Variants in MAGI2 observed in about 807,000 individuals in gnomAD.
MAGI2 encodes the protein membrane-associated guanylate kinase, WW and PDZ domain-containing protein 2.
In MAGI2, 35 loss-of-function variants were observed where a neutral mutation model predicts 133.3. The ratio of observed to expected loss-of-function variants is 0.26; its 90% confidence interval spans 0.20 to 0.35. MAGI2 has a LOEUF of 0.35. Among genes scored for constraint, MAGI2 ranks in the 10% least tolerant of loss-of-function variants. The pLI is 1.00. For synonymous variants in MAGI2, 729 were observed against 710.6 expected (o/e 1.03, Z -0.41); for missense variants, 1,636 against 1,863.4 (o/e 0.88, Z 2.25).
chr7:78,493,469 A>G (rs1386828885), intron 5 of MAGI2, among the ~76,000 whole-genome samples: 3 of 152,158 alleles, frequency 2.0e-5, no homozygotes, highest in African/African-American at 7.2e-5. Flanking sequence ...ATTTAATGCT[A>G]ATGAGCCTTT....
intron 1 of MAGI2, chr7:79,125,373 C>T: frequency 2.1e-6 from 1 of 479,046 alleles, no homozygotes; most frequent in South Asian, 1.6e-5. Flanking sequence ...GTGGGAATGA[C>T]AACTTTGGTC....
intron 1 of MAGI2, among the ~76,000 whole-genome samples, chr7:79,115,344 A>C (rs1475751481): frequency 6.6e-6 from 1 of 152,230 alleles, no homozygotes; most frequent in Non-Finnish European, 1.5e-5. Flanking sequence ...TTTAAAACAG[A>C]AATTCAATAT....
chr7:78,138,676 C>CACACACAA (rs1554469078), intron 16 of MAGI2, among the ~76,000 whole-genome samples: 2 of 142,824 alleles, frequency 1.4e-5, no homozygotes, highest in Non-Finnish European at 3.1e-5. Flanking sequence ...CACACACACA[C>CACACACAA]AATTTGTATG....
chr7:78,959,607 T>C (rs77665147), intron 2 of MAGI2, among the ~76,000 whole-genome samples: 3,917 of 152,230 alleles, frequency 0.026, 164 homozygotes, highest in African/African-American at 0.089. Flanking sequence ...GACTGTCTGA[T>C]GTATAAATGT....
chr7:78,789,766 T>G (rs1229531408), intron 2 of MAGI2, among the ~76,000 whole-genome samples: 1 of 152,234 alleles, frequency 6.6e-6, no homozygotes, highest in Non-Finnish European at 1.5e-5. Flanking sequence ...GTCACCTTGT[T>G]GTGCTATCAC....
intron 2 of MAGI2, among the ~76,000 whole-genome samples, chr7:78,654,399 C>T (rs1175771438): frequency 6.6e-6 from 1 of 151,966 alleles, no homozygotes. Context: ...ACCTCCCAAC[C>T]TGAGTCTTGA....
At chr7:78,510,977 G>A (rs1000457787) in intron 4 of MAGI2, among the ~76,000 whole-genome samples, 2 of 152,148 alleles carry the variant, frequency 1.3e-5, no homozygotes, top group African/African-American at 4.8e-5. Flanking sequence ...TGTGGTAGTG[G>A]CCACTGTGTT....
At chr7:79,041,259 A>G (rs1383661261) in intron 1 of MAGI2, among the ~76,000 whole-genome samples, 1 of 152,178 alleles carries the variant, frequency 6.6e-6, no homozygotes, top group Non-Finnish European at 1.5e-5. Flanking sequence ...TATATATTCA[A>G]AGAAGTTTTG....
At chr7:79,089,348 T>G (rs1816838704) in intron 1 of MAGI2, among the ~76,000 whole-genome samples, 2 of 152,278 alleles carry the variant, frequency 1.3e-5, no homozygotes, top group Admixed American at 1.3e-4. Flanking sequence ...GTTTTTACAC[T>G]GGTAGTAGGA....
chr7:78,342,005 T>C (rs1427916313), intron 9 of MAGI2, among the ~76,000 whole-genome samples: 2 of 151,856 alleles, frequency 1.3e-5, no homozygotes, highest in African/African-American at 4.8e-5. Context: ...AAAGAAACTA[T>C]CATCAAAGTG....
intron 2 of MAGI2, among the ~76,000 whole-genome samples, chr7:78,999,841 C>T (rs1806677765): frequency 6.6e-6 from 1 of 152,160 alleles, no homozygotes. Context: ...TCTCTAATAA[C>T]CCTTATTCTT....
intron 10 of MAGI2, among the ~76,000 whole-genome samples, chr7:78,234,978 A>T (rs1309297800): frequency 6.6e-6 from 1 of 152,008 alleles, no homozygotes; most frequent in African/African-American, 2.4e-5. Context: ...ATTTTTTTTT[A>T]ATTTAAGTTT....
At chr7:78,794,721 C>T (rs544637266) in intron 2 of MAGI2, among the ~76,000 whole-genome samples, 1 of 151,896 alleles carries the variant, frequency 6.6e-6, no homozygotes, top group South Asian at 2.1e-4. Flanking sequence ...ATTTTCTCTA[C>T]TGATCAATTG....
At chr7:79,042,940 C>T (rs943934112) in intron 1 of MAGI2, among the ~76,000 whole-genome samples, 2 of 151,994 alleles carry the variant, frequency 1.3e-5, no homozygotes, top group Non-Finnish European at 2.9e-5. Flanking sequence ...CCCCTCAAAA[C>T]TATACAATCA....
chr7:78,338,817 AT>A (rs745860608), intron 9 of MAGI2, among the ~76,000 whole-genome samples: 6 of 152,200 alleles, frequency 3.9e-5, no homozygotes, highest in Non-Finnish European at 2.9e-5. Flanking sequence ...GCCTAATAAA[AT>A]TATACAGTTA....
At chr7:78,625,319 AAGTAT>A (rs753025270) in intron 3 of MAGI2, among the ~76,000 whole-genome samples, 1 of 152,042 alleles carries the variant, frequency 6.6e-6, no homozygotes, top group Admixed American at 6.6e-5. Context: ...AACATAATTT[AAGTAT>A]AGTAATTATA....
At chr7:79,159,019 TAC>T (rs1212541603) in intron 1 of MAGI2, among the ~76,000 whole-genome samples, 1 of 151,992 alleles carries the variant, frequency 6.6e-6, no homozygotes, top group East Asian at 1.9e-4. Flanking sequence ...ATACAAGGTA[TAC>T]ACAAGTTAAA....
At chr7:78,062,525 G>C (rs1367310392) in intron 21 of MAGI2, among the ~76,000 whole-genome samples, 1 of 152,114 alleles carries the variant, frequency 6.6e-6, no homozygotes, top group Non-Finnish European at 1.5e-5. Context: ...CCCCTCTCTG[G>C]CTTCCAAATT....
chr7:78,962,445 A>G (rs1458676225), intron 2 of MAGI2, among the ~76,000 whole-genome samples: 3 of 151,240 alleles, frequency 2.0e-5, no homozygotes, highest in Non-Finnish European at 4.4e-5. Flanking sequence ...AGAGAGACCA[A>G]TTATCATCTC....
Sources: gnomAD v4.1 joint callset for allele counts (sites outside exome capture counted in the v4.1 genomes callset) on GRCh38, gnomAD v4.1.1 for gene constraint, MANE v1.5 for transcripts, NCBI Gene and HGNC (gene_info 2026-07-23, HGNC 2026-07-21) for gene names.